Variants in PDK3 observed in about 807,000 individuals in gnomAD.
The protein encoded by PDK3 is pyruvate dehydrogenase kinase 3, also known as pyruvate dehydrogenase kinase, isozyme 3.
In PDK3, 12 loss-of-function variants were observed where a neutral mutation model predicts 32.0. The observed-to-expected ratio is 0.37, with a 90% CI of 0.24 to 0.61. The LOEUF (loss-of-function observed/expected upper bound fraction) is 0.61. Among genes scored for constraint, PDK3 ranks in the 20% least tolerant of loss-of-function variants. PDK3 has a pLI of 0.65. For synonymous variants in PDK3, 122 were observed against 116.3 expected (o/e 1.05, Z -0.31); for missense variants, 188 against 316.9 (o/e 0.59, Z 3.09).
downstream of PDK3, among the ~76,000 whole-genome samples, chrX:24,537,204 C>A (rs1035140399): frequency 9.6e-6 from 1 of 103,795 alleles, no homozygotes; most frequent in African/African-American, 3.5e-5. Context: ...TGCAGCTCTA[C>A]CTCCTGGGTT....
chrX:24,518,880 C>T (rs1157116069), intron 5 of PDK3, 53 bp from the exon 6 acceptor site: 6 of 688,272 alleles, frequency 8.7e-6, no homozygotes, highest in African/African-American at 7.0e-5. Flanking sequence ...CACACACACA[C>T]GCTTGTGCCT....
intron 1 of PDK3, among the ~76,000 whole-genome samples, chrX:24,492,691 A>G (rs1921595174): frequency 9.0e-6 from 1 of 110,657 alleles, no homozygotes; most frequent in African/African-American, 3.3e-5. Context: ...GACTGTCTCT[A>G]TATTATTTGA....
At chrX:24,524,293 G>A (rs1435105870) in intron 6 of PDK3, among the ~76,000 whole-genome samples, 2 of 112,135 alleles carry the variant, frequency 1.8e-5, no homozygotes, top group East Asian at 2.8e-4. Flanking sequence ...AAATCTTGAA[G>A]AATGGACTGG....
chrX:24,471,411 TTTTA>T (rs1920989710), intron 1 of PDK3, among the ~76,000 whole-genome samples: 1 of 112,015 alleles, frequency 8.9e-6, no homozygotes, highest in South Asian at 3.7e-4. Context: ...TGCATTTTAA[TTTTA>T]TTTATGTCTA....
chrX:24,472,675 C>CTTTTTTTTTTTTTTTTTTTTTTT (rs761538432), intron 1 of PDK3, among the ~76,000 whole-genome samples: 2 of 49,717 alleles, frequency 4.0e-5, no homozygotes, highest in African/African-American at 9.0e-5. Flanking sequence ...TTCTTTCTTT[C>CTTTTTTTTTTTTTTTTTTTTTTT]TTTTTTTTTT....
At chrX:24,484,177 A>G (rs1247719823) in intron 1 of PDK3, among the ~76,000 whole-genome samples, 1 of 107,612 alleles carries the variant, frequency 9.3e-6, no homozygotes, top group Non-Finnish European at 1.9e-5. Flanking sequence ...ATAGCTGGCT[A>G]ATTTGTTTGT....
intron 6 of PDK3, among the ~76,000 whole-genome samples, chrX:24,522,566 A>G (rs1922423480): frequency 9.0e-6 from 1 of 111,721 alleles, no homozygotes; most frequent in Non-Finnish European, 1.9e-5. Context: ...GCCATTTGGT[A>G]CAAGATAAAC....
chrX:24,501,396 CA>C (rs973690571), intron 3 of PDK3, among the ~76,000 whole-genome samples: 15 of 112,756 alleles, frequency 1.3e-4, no homozygotes, highest in African/African-American at 4.8e-4. Flanking sequence ...CTACTATAAA[CA>C]ATGCTTTAAA....
intron 10 of PDK3, among the ~76,000 whole-genome samples, chrX:24,532,207 A>C (rs1922667187): frequency 9.0e-6 from 1 of 111,043 alleles, no homozygotes; most frequent in Non-Finnish European, 1.9e-5. Context: ...CAGAGGTTGC[A>C]GTGAGCCAAG....
chrX:24,465,375 G>C lies in PDK3; in HGVS notation c.-81G>C, dbSNP rs1940051894. ...GCCGGGGTGCGCGCTTCGCAAACGT[G>C]CCCTATCCGTGCGGCTTGGCTGCGC... On this transcript the variant is annotated 5_prime_UTR_variant, in exon 1 of 11. Transcript: ENST00000379162. The C allele has an allele frequency of 7.0e-6, 5 of 709,692 alleles. No homozygotes were observed. 58.5% of individuals were successfully genotyped at this position (709,692 alleles called of 1,213,427 possible). A position where few individuals can be genotyped will look rare whatever the true frequency, so the allele number is the denominator to read the frequency against.
intron 8 of PDK3, 41 bp from the exon 9 acceptor site, chrX:24,528,035 C>T: frequency 1.3e-6 from 1 of 792,488 alleles, no homozygotes; most frequent in Non-Finnish European, 1.9e-6. Context: ...AAGTATAGAT[C>T]AACTTCTTTG....
Position 24,531,789 on chromosome X carries a change from T to C in PDK3, c.1077+19T>C, listed in dbSNP as rs761590948. 1 of 886,571 alleles carries C rather than the reference T, an allele frequency of 1.1e-6. No homozygotes were observed. Among genetic ancestry groups the C allele is most frequent in the Non-Finnish European group, 1.7e-6 (1 of 603,102 alleles). The allele number at this position is 886,571 out of a possible 1,213,427, so 73.1% of individuals were successfully genotyped here. On this transcript the variant is annotated intron_variant, in intron 10 of 10. Coordinates refer to ENST00000379162, the MANE Select transcript of PDK3 (RefSeq NM_005391.5). Reference sequence around the variant, plus strand: ...TTTGAAGGTACTGCGTTTTATTTGTTAGTATGAGGCATCTTTGCTTTTTAA... The same window carrying C: ...TTTGAAGGTACTGCGTTTTATTTGTCAGTATGAGGCATCTTTGCTTTTTAA...
exon 12 of PDK3, among the ~76,000 whole-genome samples, chrX:24,540,889 CTTTTTTTTTTTTTT>C (rs369307335): frequency 7.9e-4 from 29 of 36,657 alleles, no homozygotes; most frequent in Admixed American, 1.4e-3. Context: ...CCCTAGCTTC[CTTTTTTTTTTTTTT>C]TTTTTTTTTT....
Position 24,465,564 on chromosome X carries a change from G to A in PDK3, c.106+3G>A. On this transcript the variant is annotated splice_donor_region_variant and intron_variant, in intron 1 of 10. Transcript: ENST00000379162. ...CATCAAACAATTCCTGGACTTCGGT[G>A]AGTACGGGGCCAAGGGTCCCCATGG... is the stretch of plus-strand genomic sequence containing the variant. The A allele has an allele frequency of 8.5e-7, 1 of 1,177,669 alleles. No individual in the cohort carries two copies. The highest frequency in any genetic ancestry group is 3.0e-5 in the East Asian group (1 of 33,448).
chrX:24,511,031 C>T (rs1295715500), intron 5 of PDK3, among the ~76,000 whole-genome samples: 1 of 112,306 alleles, frequency 8.9e-6, no homozygotes, highest in African/African-American at 3.2e-5. Context: ...AGGCACAGAG[C>T]GCCAAAGGTT....
Position 24,527,670 on chromosome X carries a change from AT to A in PDK3, c.849del (p.Lys284ArgfsTer5). 1 of 1,093,437 alleles carries A rather than the reference AT, an allele frequency of 9.1e-7. No homozygotes were observed. The highest frequency in any genetic ancestry group is 1.3e-6 in the Non-Finnish European group (1 of 795,062). 90.1% of individuals were successfully genotyped at this position (1,093,437 alleles called of 1,213,427 possible). A position where few individuals can be genotyped will look rare whatever the true frequency, so the allele number is the denominator to read the frequency against. On this transcript the variant is annotated frameshift_variant, in exon 8 of 11. Transcript: ENST00000379162. LOFTEE classifies it high-confidence loss of function. ...TACTTTGGGTAAAGAAGACTTATCC[AT>A]TAAGGTAACTGTTTTATGTGCATGT... is the stretch of plus-strand genomic sequence containing the variant. ...LVTLGKEDLS[I>X]KISDLGGGVP...
At chrX:24,525,205 G>A (rs940612535) in intron 6 of PDK3, among the ~76,000 whole-genome samples, 1 of 111,293 alleles carries the variant, frequency 9.0e-6, no homozygotes, top group Admixed American at 9.5e-5. Flanking sequence ...GAAGAGTTCG[G>A]GATTTAGACT....
chrX:24,494,597 T>C lies in PDK3; in HGVS notation c.107-145T>C, dbSNP rs184915856. 7.7e-4 allele frequency: 286 copies of C among 371,299 alleles called. 3 individuals carry two copies. The highest frequency in any genetic ancestry group is 6.7e-3 in the African/African-American group (252 of 37,684). The allele number at this position is 371,299 out of a possible 1,213,427, so 30.6% of individuals were successfully genotyped here. Reference sequence around the variant, plus strand: ...TTAACTTATTTTCTTGAACTTGCTATTTCAAAGGATAAAAATTCAACTAGA... The same window carrying C: ...TTAACTTATTTTCTTGAACTTGCTACTTCAAAGGATAAAAATTCAACTAGA... On this transcript the variant is annotated intron_variant, in intron 1 of 10. Coordinates refer to ENST00000379162, the MANE Select transcript of PDK3 (RefSeq NM_005391.5).
At chrX:24,524,085 A>G (rs950546387) in intron 6 of PDK3, among the ~76,000 whole-genome samples, 1 of 112,204 alleles carries the variant, frequency 8.9e-6, no homozygotes, top group African/African-American at 3.2e-5. Flanking sequence ...CCAAACCTTT[A>G]ATCAAATAGA....
Sources: gnomAD v4.1 joint callset for allele counts (sites outside exome capture counted in the v4.1 genomes callset) on GRCh38, gnomAD v4.1.1 for gene constraint, MANE v1.5 for transcripts, NCBI Gene and HGNC (gene_info 2026-07-23, HGNC 2026-07-21) for gene names.